The following MBD5 variants were observed in gnomAD, a reference collection of about 807,000 sequenced individuals.
MBD5 encodes the protein methyl-CpG binding domain protein 5.
MBD5 carries 13 observed loss-of-function variants against 117.3 expected under a neutral mutation model. That is an observed-to-expected ratio of 0.11 (90% CI 0.07 to 0.18). MBD5 has a LOEUF of 0.18. MBD5 is among the 10% of genes least tolerant of loss of function. The pLI is 1.00. For missense variants in MBD5, 1,879 were observed against 2,093.8 expected (o/e 0.90, Z 2.00); for synonymous variants, 727 against 766.4 (o/e 0.95, Z 0.85).
intron 13 of MBD5, among the ~76,000 whole-genome samples, chr2:148,511,072 C>T (rs967524875): frequency 2.0e-4 from 31 of 152,130 alleles, no homozygotes; most frequent in Admixed American, 2.0e-3. Context: ...GAGTCTGGTG[C>T]TGGTTGAGGA....
At chr2:148,204,084 A>G (rs566465288) in intron 2 of MBD5, among the ~76,000 whole-genome samples, 1 of 152,090 alleles carries the variant, frequency 6.6e-6, no homozygotes, top group African/African-American at 2.4e-5. Flanking sequence ...GAGAAAAGAG[A>G]AGAGAAAAAA....
intron 4 of MBD5, among the ~76,000 whole-genome samples, chr2:148,352,567 T>G (rs1703272344): frequency 6.6e-6 from 1 of 151,966 alleles, no homozygotes; most frequent in South Asian, 2.1e-4. Context: ...CATTAATCTA[T>G]TCTCCATTCC....
At chr2:148,249,062 C>T (rs552477143) in intron 3 of MBD5, among the ~76,000 whole-genome samples, 6 of 152,020 alleles carry the variant, frequency 3.9e-5, no homozygotes, top group Admixed American at 1.3e-4. Context: ...TTTAGGAGAA[C>T]ATCTTTCGAG....
At chr2:148,074,511 T>TTTTTTTTGTTTTG (rs1370241136) in intron 1 of MBD5, among the ~76,000 whole-genome samples, 1 of 147,490 alleles carries the variant, frequency 6.8e-6, no homozygotes, top group Admixed American at 6.7e-5. Flanking sequence ...TTTTTTGTTT[T>TTTTTTTTGTTTTG]TTTTTTTGAG....
Position 148,492,404 on chromosome 2 carries a change from T to A in MBD5, c.4962+1810T>A, listed in dbSNP as rs138607778. 3.9e-5 allele frequency among the ~76,000 whole-genome samples: 6 copies of A among 152,064 alleles called. No homozygotes were observed. The South Asian group carries it at 1.2e-3, about 31-fold the overall frequency. On this transcript the variant is annotated intron_variant, in intron 11 of 13. Coordinates refer to ENST00000642680, the MANE Select transcript of MBD5 (RefSeq NM_001378120.1). ...GGATTCTCAAGTAAAAACCTTTATATCAAGATATACTATATACTAAAAGTA... is the reference window on the plus strand; with the variant it reads ...GGATTCTCAAGTAAAAACCTTTATAACAAGATATACTATATACTAAAAGTA...
intron 1 of MBD5, among the ~76,000 whole-genome samples, chr2:148,123,892 G>A (rs1574038788): frequency 6.6e-6 from 1 of 152,164 alleles, no homozygotes; most frequent in East Asian, 1.9e-4. Context: ...AAAGACAAAG[G>A]ACAGATTACT....
At chr2:148,371,861 A>G (rs1461523823) in intron 4 of MBD5, among the ~76,000 whole-genome samples, 1 of 152,168 alleles carries the variant, frequency 6.6e-6, no homozygotes, top group African/African-American at 2.4e-5. Flanking sequence ...AAACATCAAC[A>G]TATTAAAGTC....
intron 3 of MBD5, among the ~76,000 whole-genome samples, chr2:148,272,709 A>G (rs938102250): frequency 1.2e-4 from 18 of 152,252 alleles, no homozygotes; most frequent in African/African-American, 4.1e-4. Flanking sequence ...TATGGTTCAC[A>G]TATATTTTCT....
chr2:148,435,806 G>A (rs1374841276), intron 4 of MBD5, among the ~76,000 whole-genome samples: 1 of 152,150 alleles, frequency 6.6e-6, no homozygotes. Context: ...GATTGGGAAA[G>A]TTTTCATAGA....
At chr2:148,416,713 A>G (rs1190551961) in intron 4 of MBD5, among the ~76,000 whole-genome samples, 1 of 152,140 alleles carries the variant, frequency 6.6e-6, no homozygotes, top group East Asian at 1.9e-4. Context: ...TAGTGTACCC[A>G]TAACCCAAGT....
chr2:148,282,518 A>C (rs1170925122), intron 3 of MBD5, among the ~76,000 whole-genome samples: 2 of 145,928 alleles, frequency 1.4e-5, no homozygotes, highest in Non-Finnish European at 3.1e-5. Flanking sequence ...AATCTCAAAA[A>C]CTCATGTTGT....
rs981661838 is a variant in MBD5 at position 148,157,455 on chromosome 2, C to T, written c.-924-21245C>T. On this transcript the variant is annotated intron_variant, in intron 1 of 13. Transcript: ENST00000642680. ...CTTCTCCAAAGTGAGTACTTAAGTC[C>T]TAAAAGCATGAAACTACCTTCTAGG... Among the ~76,000 whole-genome samples, 6 of 152,058 alleles carry T rather than the reference C, an allele frequency of 3.9e-5. No homozygotes were observed. The South Asian group carries it at 1.2e-3, about 32-fold the overall frequency.
intron 1 of MBD5, among the ~76,000 whole-genome samples, chr2:148,126,265 C>T (rs1441468334): frequency 2.0e-5 from 3 of 151,382 alleles, no homozygotes; most frequent in African/African-American, 4.8e-5. Flanking sequence ...TTTAGCTGGG[C>T]GTGGTGGTGT....
chr2:148,322,958 T>C (rs891996699), intron 3 of MBD5, among the ~76,000 whole-genome samples: 18 of 150,168 alleles, frequency 1.2e-4, no homozygotes, highest in African/African-American at 3.9e-4. Context: ...ACTCGTCATC[T>C]AGCATTAGGT....
At chr2:148,360,236 T>C (rs773953724) in intron 4 of MBD5, among the ~76,000 whole-genome samples, 5 of 152,156 alleles carry the variant, frequency 3.3e-5, no homozygotes, top group African/African-American at 4.8e-5. Context: ...TCTGTTTGCC[T>C]TTATTATAAG....
chr2:148,127,075 G>A (rs11887853), intron 1 of MBD5, among the ~76,000 whole-genome samples: 3,229 of 151,072 alleles, frequency 0.021, 123 homozygotes, highest in African/African-American at 0.073. Flanking sequence ...TCCCGGGTTC[G>A]GGCGATTCTC....
intron 2 of MBD5, among the ~76,000 whole-genome samples, chr2:148,207,552 G>C (rs1204732642): frequency 6.6e-6 from 1 of 152,010 alleles, no homozygotes; most frequent in Admixed American, 6.5e-5. Flanking sequence ...GATCATTCGA[G>C]GGTGGGAGAT....
intron 4 of MBD5, among the ~76,000 whole-genome samples, chr2:148,352,399 T>C (rs1220932049): frequency 6.6e-6 from 1 of 152,076 alleles, no homozygotes; most frequent in African/African-American, 2.4e-5. Flanking sequence ...CCAATGGTAG[T>C]ATCTGTCAAA....
At chr2:148,447,206 A>AGAAAGAAAGAAG (rs1706579298) in intron 4 of MBD5, among the ~76,000 whole-genome samples, 7 of 12,164 alleles carry the variant, frequency 5.8e-4, no homozygotes, top group Non-Finnish European at 3.1e-3. Context: ...AAAGAAAGAA[A>AGAAAGAAAGAAG]GAAAGAAAGA....
Sources: allele counts gnomAD v4.1 joint callset (sites outside exome capture counted in the v4.1 genomes callset), GRCh38; gene constraint gnomAD v4.1.1; transcripts MANE v1.5; gene names NCBI Gene and HGNC (gene_info 2026-07-23, HGNC 2026-07-21).